The following MYLK4 variants were observed in gnomAD, a reference collection of about 807,000 sequenced individuals.
MYLK4 encodes myosin light chain kinase family member 4.
In MYLK4, 46 loss-of-function variants were observed where a neutral mutation model predicts 48.1. The observed-to-expected ratio is 0.96, with a 90% CI of 0.75 to 1.22. The LOEUF (loss-of-function observed/expected upper bound fraction) is 1.22. Ranked by LOEUF, MYLK4 falls within the 50% of genes most tolerant of loss-of-function variation. The probability of loss-of-function intolerance (pLI) is 0.00; values close to 1 mark genes in which losing one functional copy is unlikely to be tolerated. For synonymous variants in MYLK4, 170 were observed against 180.8 expected (o/e 0.94, Z 0.48); for missense variants, 451 against 486.1 (o/e 0.93, Z 0.68).
At chr6:2,710,894 T>C (rs147642108) in intron 2 of MYLK4, among the ~76,000 whole-genome samples, 1 of 152,386 alleles carries the variant, frequency 6.6e-6, no homozygotes, top group East Asian at 1.9e-4. Context: ...ACCAATAATT[T>C]GTTATCAGCA....
At chr6:2,765,999 TC>T in the MYLK4 span, 1 of 1,367,636 alleles carries the variant, frequency 7.3e-7, no homozygotes, top group Admixed American at 3.0e-5. Flanking sequence ...ATCCCCGACT[TC>T]CCGGTGGCCC....
chr6:2,768,837 C>G, the MYLK4 span: 2 of 1,613,202 alleles, frequency 1.2e-6, no homozygotes, highest in Non-Finnish European at 1.7e-6. Flanking sequence ...AAAGGAAAAC[C>G]ATCCTTTTTA....
the MYLK4 span, chr6:2,766,160 G>A: frequency 1.5e-6 from 2 of 1,332,814 alleles, no homozygotes; most frequent in Non-Finnish European, 1.9e-6. Context: ...GGACGCGGAC[G>A]CGGACGGCGA....
intron 2 of MYLK4, among the ~76,000 whole-genome samples, chr6:2,736,825 G>T (rs547654530): frequency 6.6e-6 from 1 of 152,344 alleles, no homozygotes; most frequent in South Asian, 2.1e-4. Flanking sequence ...AGACACAAAG[G>T]TTCTGGACAA....
chr6:2,719,492 C>A (rs1582091846), intron 2 of MYLK4, among the ~76,000 whole-genome samples: 2 of 152,260 alleles, frequency 1.3e-5, no homozygotes, highest in Non-Finnish European at 2.9e-5. Flanking sequence ...ACTTCCTACC[C>A]AGCTACAGAA....
rs1761370933 is a variant in MYLK4, at chr6:2,683,028, T to G, written c.680A>C (p.Asp227Ala). The change falls in exon 7 of 13, where the codon GAC becomes GCC. Residue 227 changes from aspartate to alanine, a missense_variant. Coordinates refer to ENST00000274643, the MANE Select transcript of MYLK4 (RefSeq NM_001012418.5). Reference protein sequence around the residue: ...HMHQMYILHLDLKPENILCVN... With the variant: ...HMHQMYILHLALKPENILCVN... ...GATACAAAACACCCTTACCTTCAGG[T>G]CCAAGTGGAGAATGTACATCTGATG... is the stretch of plus-strand genomic sequence containing the variant. 1 of 1,614,166 alleles carries G rather than the reference T, an allele frequency of 6.2e-7. No homozygotes were observed. Among genetic ancestry groups the G allele is most frequent in the African/African-American group, 1.3e-5 (1 of 75,032 alleles).
At chr6:2,702,081 G>GT (rs1428110325) in intron 2 of MYLK4, among the ~76,000 whole-genome samples, 2 of 152,222 alleles carry the variant, frequency 1.3e-5, no homozygotes, top group Non-Finnish European at 2.9e-5. Flanking sequence ...GCTGGCAGCA[G>GT]TTGGTGGAGA....
intron 2 of MYLK4, among the ~76,000 whole-genome samples, chr6:2,731,218 A>G (rs1345140002): frequency 6.6e-6 from 1 of 152,104 alleles, no homozygotes; most frequent in Non-Finnish European, 1.5e-5. Context: ...AGTCCCAGGA[A>G]TGAATCCTGG....
the MYLK4 span, among the ~76,000 whole-genome samples, chr6:2,762,026 C>G: frequency 2.0e-5 from 3 of 152,132 alleles, no homozygotes; most frequent in Admixed American, 2.0e-4. Context: ...ATTCTCCTGC[C>G]TCAGCCTTGC....
the MYLK4 span, chr6:2,765,621 C>G: frequency 6.5e-7 from 1 of 1,527,446 alleles, no homozygotes; most frequent in Non-Finnish European, 8.7e-7. Flanking sequence ...GCGGCGGCCG[C>G]CATGGAGGTG....
chr6:2,694,576 T>TGGTG (rs1761979781), intron 2 of MYLK4, among the ~76,000 whole-genome samples: 2 of 123,778 alleles, frequency 1.6e-5, no homozygotes, highest in Non-Finnish European at 3.3e-5. Flanking sequence ...GTGGTAGTGC[T>TGGTG]GCTGGTGGTG....
At chr6:2,707,699 T>C (rs1392006568) in intron 2 of MYLK4, among the ~76,000 whole-genome samples, 1 of 152,154 alleles carries the variant, frequency 6.6e-6, no homozygotes, top group East Asian at 1.9e-4. Context: ...GTTGTGACAA[T>C]AAATGTCAAA....
intron 2 of MYLK4, among the ~76,000 whole-genome samples, chr6:2,734,298 C>T (rs1302438383): frequency 6.6e-6 from 1 of 152,188 alleles, no homozygotes; most frequent in Non-Finnish European, 1.5e-5. Flanking sequence ...AATTTCCATG[C>T]TGCGGTCTGT....
intron 2 of MYLK4, among the ~76,000 whole-genome samples, chr6:2,733,208 C>T (rs955470932): frequency 3.9e-5 from 6 of 152,174 alleles, no homozygotes; most frequent in African/African-American, 1.4e-4. Flanking sequence ...TAAAAGAAGC[C>T]AGCCTTCTGT....
chr6:2,741,816 C>T (rs544451265), intron 2 of MYLK4, among the ~76,000 whole-genome samples: 1 of 152,336 alleles, frequency 6.6e-6, no homozygotes, highest in South Asian at 2.1e-4. Flanking sequence ...AATTAACTCA[C>T]ACAACTTGTT....
intron 2 of MYLK4, among the ~76,000 whole-genome samples, chr6:2,730,495 T>A (rs1052149496): frequency 6.6e-6 from 1 of 152,182 alleles, no homozygotes; most frequent in African/African-American, 2.4e-5. Flanking sequence ...TGGCATTCAC[T>A]TAACAGGCGA....
chr6:2,723,738 C>T (rs1324639254), intron 2 of MYLK4, among the ~76,000 whole-genome samples: 1 of 152,162 alleles, frequency 6.6e-6, no homozygotes, highest in Non-Finnish European at 1.5e-5. Flanking sequence ...AAAGAGACAC[C>T]CTTCATTAGG....
rs1760958504 is a variant in MYLK4 at position 2,672,902 on chromosome 6, G to C, written c.1120-1554C>G. On this transcript the variant is annotated intron_variant, in intron 11 of 12. Coordinates refer to ENST00000274643, the MANE Select transcript of MYLK4 (RefSeq NM_001012418.5). This position sits in a 1 kb window ranked among gnomAD's most constrained non-coding sequence, Gnocchi z 4.3. ...CCCATTTTGTGCGTTGCTATGAGGA[G>C]TCAGTGAGTTATTTTTTGTAAAGCA... Among the ~76,000 whole-genome samples, 1 of 152,066 alleles carries C rather than the reference G, an allele frequency of 6.6e-6. No individual in the cohort carries two copies. The highest frequency in any genetic ancestry group is 1.5e-5 in the Non-Finnish European group (1 of 68,038).
chr6:2,680,511 G>A (rs909919229), intron 7 of MYLK4: 12 of 985,394 alleles, frequency 1.2e-5, no homozygotes, highest in South Asian at 9.4e-5. Context: ...TCCTCTGCAC[G>A]GCTTCACAGT....
Sources: gnomAD v4.1 joint callset for allele counts (sites outside exome capture counted in the v4.1 genomes callset) on GRCh38, gnomAD v4.1.1 for gene constraint, Gnocchi (gnomAD v3.1) non-coding constraint, MANE v1.5 for transcripts, NCBI Gene and HGNC (gene_info 2026-07-23, HGNC 2026-07-21) for gene names.